PRR11: variants seen among roughly 807,000 people sequenced by gnomAD.
The protein encoded by PRR11 is proline-rich protein 11.
Under a neutral mutation model 45.6 loss-of-function variants are expected in PRR11, and 30 were observed. The observed-to-expected ratio is 0.66, with a 90% confidence interval of 0.49 to 0.89. The LOEUF is 0.89. Ranked by LOEUF, PRR11 falls within the 40% of genes least tolerant of loss-of-function variation. The probability of loss-of-function intolerance (pLI) is 0.00; values close to 1 mark genes in which losing one functional copy is unlikely to be tolerated. For synonymous variants in PRR11, 128 were observed against 153.5 expected, an observed-to-expected ratio of 0.83 and a Z score of 1.23; for missense variants, 373 against 424.8, an observed-to-expected ratio of 0.88 and a Z score of 1.07.
Position 59,205,727 on chromosome 17 carries a change from T to A in PRR11, c.*4096T>A, listed in dbSNP as rs2046914825. On this transcript the variant is annotated 3_prime_UTR_variant, in exon 10 of 10. Coordinates refer to ENST00000262293, the MANE Select transcript of PRR11 (RefSeq NM_018304.4). ...AAAAAAAAAAAGTATATGTTAAGTATAGAAAAATATATAAATTAAAAAATT... is the reference window on the plus strand; with the variant it reads ...AAAAAAAAAAAGTATATGTTAAGTAAAGAAAAATATATAAATTAAAAAATT... Among the ~76,000 whole-genome samples the A allele has an allele frequency of 6.7e-6, 1 of 148,658 alleles. No individual in the cohort carries two copies. Among genetic ancestry groups the A allele is most frequent in the Non-Finnish European group, 1.5e-5 (1 of 67,452 alleles).
At chr17:59,163,231 C>T (rs576563599) in intron 1 of PRR11, among the ~76,000 whole-genome samples, 71 of 152,244 alleles carry the variant, frequency 4.7e-4, no homozygotes, top group African/African-American at 1.7e-3. Flanking sequence ...GCTGGGACTA[C>T]AGCCACATGC....
chr17:59,198,693 C>A (rs1193186053), intron 9 of PRR11, among the ~76,000 whole-genome samples: 1 of 151,110 alleles, frequency 6.6e-6, no homozygotes, highest in Non-Finnish European at 1.5e-5. Flanking sequence ...AAAAATTAGC[C>A]ATGTATGGTG....
chr17:59,173,319 G>A (rs1159537949), intron 2 of PRR11, among the ~76,000 whole-genome samples: 1 of 152,314 alleles, frequency 6.6e-6, no homozygotes, highest in Non-Finnish European at 1.5e-5. Flanking sequence ...AAAGCAGGCT[G>A]CCCAAGCCAG....
rs774217995 is a variant in PRR11 at position 59,185,520 on chromosome 17, C to T, written c.360C>T (p.Cys120=). The T allele has an allele frequency of 1.2e-6, 2 of 1,610,246 alleles. No individual in the cohort carries two copies. The highest frequency in any genetic ancestry group is 1.7e-6 in the Non-Finnish European group (2 of 1,178,988). ...TTTACAGTGTAAAACAACAGTTTTG[C>T]ATTTTGGAAAGTAAATTATGCAAGC... The part of the protein sequence containing the change: ...RELYSVKQQF[C]ILESKLCKLQ... The change falls in exon 4 of 10, where the codon TGC becomes TGT. Residue 120 remains cysteine, a synonymous_variant. Transcript: ENST00000262293.
In PRR11 at chr17:59,206,582, C is replaced by G. The variant is rs941253658; in HGVS notation, c.*4951C>G. Reference sequence around the variant, plus strand: ...TAAGTGCTATGGCTTCCTTAAACTACGATTTATCATATGCTCCCAGTGTTT... The same window carrying G: ...TAAGTGCTATGGCTTCCTTAAACTAGGATTTATCATATGCTCCCAGTGTTT... On this transcript the variant is annotated 3_prime_UTR_variant, in exon 10 of 10. Transcript: ENST00000262293. Among the ~76,000 whole-genome samples the G allele has an allele frequency of 6.6e-6, 1 of 152,080 alleles. No individual in the cohort carries two copies. Among genetic ancestry groups the G allele is most frequent in the South Asian group, 2.1e-4 (1 of 4,832 alleles).
At chr17:59,195,280 T>G in intron 6 of PRR11, 51 bp from the exon 7 acceptor site, 3 of 1,401,352 alleles carry the variant, frequency 2.1e-6, no homozygotes, top group Non-Finnish European at 3.0e-6. Context: ...GTTTACATTT[T>G]GAGTGATATT....
intron 7 of PRR11, 62 bp downstream of exon 7, chr17:59,195,505 G>A: frequency 2.7e-6 from 3 of 1,116,806 alleles, no homozygotes; most frequent in South Asian, 1.6e-5. Flanking sequence ...GTTGTACAAA[G>A]GCCTAAAGAA....
Position 59,205,803 on chromosome 17 carries a change from T to C in PRR11, c.*4172T>C, listed in dbSNP as rs1322273717. On this transcript the variant is annotated 3_prime_UTR_variant, in exon 10 of 10. Coordinates refer to ENST00000262293, the MANE Select transcript of PRR11 (RefSeq NM_018304.4). ...GCTCACACCTGTAATCCCAGCACTTTGGGAGGCCGAGGTGGGTGTATCACT... is the reference window on the plus strand; with the variant it reads ...GCTCACACCTGTAATCCCAGCACTTCGGGAGGCCGAGGTGGGTGTATCACT... 9.9e-5 allele frequency among the ~76,000 whole-genome samples: 15 copies of C among 151,730 alleles called. No homozygotes were observed. The highest frequency in any genetic ancestry group is 7.4e-5 in the Non-Finnish European group (5 of 67,946).
At chr17:59,198,684 A>AG (rs537638519) in intron 9 of PRR11, among the ~76,000 whole-genome samples, 2 of 151,954 alleles carry the variant, frequency 1.3e-5, no homozygotes, top group South Asian at 4.1e-4. Context: ...AAAAAAAAAA[A>AG]AAATTAGCCA....
chr17:59,205,185 GAC>G lies in PRR11; in HGVS notation c.*3556_*3557del, dbSNP rs1460005266. On this transcript the variant is annotated 3_prime_UTR_variant, in exon 10 of 10. Transcript: ENST00000262293. ...CCTTGCATCTTTTACTGATTTTTAT[GAC>G]AGATTTTATATTGTAACCATTCGAG... Among the ~76,000 whole-genome samples, 1 of 152,008 alleles carries G rather than the reference GAC, an allele frequency of 6.6e-6. No individual in the cohort carries two copies. The highest frequency in any genetic ancestry group is 1.5e-5 in the Non-Finnish European group (1 of 68,026).
chr17:59,206,401 T>G lies in PRR11; in HGVS notation c.*4770T>G, dbSNP rs561437885. On this transcript the variant is annotated 3_prime_UTR_variant, in exon 10 of 10. Transcript: ENST00000262293. ...AAAGAAAAAATGCTTTGCTACATAA[T>G]GAGGCCAGGCAAAAAAAAAAAGTCC... Among the ~76,000 whole-genome samples, 320 of 151,262 alleles carry G rather than the reference T, an allele frequency of 2.1e-3. No individual in the cohort carries two copies. Among genetic ancestry groups the G allele is most frequent in the Non-Finnish European group, 3.3e-3 (224 of 67,858 alleles).
In PRR11 at chr17:59,202,235, G is replaced by C. The variant is rs1388896778; in HGVS notation, c.*604G>C. The C allele has an allele frequency of 6.5e-6, 1 of 153,418 alleles. No individual in the cohort carries two copies. Among genetic ancestry groups the C allele is most frequent in the East Asian group, 1.9e-4 (1 of 5,222 alleles). The allele number at this position is 153,418 out of a possible 1,614,324, so 9.5% of individuals were successfully genotyped here. ...TAGAGAGGTTGTTCAAATTTAACTAGATAACTCTAGTTTGTACTGTATAGG... is the reference window on the plus strand; with the variant it reads ...TAGAGAGGTTGTTCAAATTTAACTACATAACTCTAGTTTGTACTGTATAGG... On this transcript the variant is annotated 3_prime_UTR_variant, in exon 10 of 10. Coordinates refer to ENST00000262293, the MANE Select transcript of PRR11 (RefSeq NM_018304.4).
At position 59,205,509 on chromosome 17, in the gene PRR11, C is replaced by G. The variant is rs1741953062; in HGVS notation, c.*3878C>G. Among the ~76,000 whole-genome samples the G allele has an allele frequency of 1.4e-5, 2 of 147,748 alleles. No homozygotes were observed. Among genetic ancestry groups the G allele is most frequent in the African/African-American group, 2.5e-5 (1 of 39,396 alleles). ...CTGAGGTCAAGAGTTCGAGACCAGT[C>G]TGGCCAACATGGTGAAACCCTGTCT... On this transcript the variant is annotated 3_prime_UTR_variant, in exon 10 of 10. Coordinates refer to ENST00000262293, the MANE Select transcript of PRR11 (RefSeq NM_018304.4).
At chr17:59,199,982 G>T (rs1278916619) in intron 9 of PRR11, among the ~76,000 whole-genome samples, 1 of 152,150 alleles carries the variant, frequency 6.6e-6, no homozygotes, top group Non-Finnish European at 1.5e-5. Flanking sequence ...TGCTTTTTCT[G>T]TTTAGCTCTA....
rs1009456101 is a variant in PRR11 at position 59,177,084 on chromosome 17, A to G, written c.128+7204A>G. ...AGAGTAAAGAGGACAAATAGGTGCA[A>G]GAATAAATGAAAGGCTGGAATCCCA... On this transcript the variant is annotated intron_variant, in intron 2 of 9. Transcript: ENST00000262293. 1.3e-5 allele frequency: 7 copies of G among 539,484 alleles called. No individual in the cohort carries two copies. In the African/African-American group the frequency reaches 1.4e-4, roughly 10 times the overall value. 33.4% of individuals were successfully genotyped at this position (539,484 alleles called of 1,614,324 possible).
intron 1 of PRR11, among the ~76,000 whole-genome samples, chr17:59,169,520 T>C (rs1165937262): frequency 6.6e-6 from 1 of 152,170 alleles, no homozygotes; most frequent in Non-Finnish European, 1.5e-5. Context: ...GAGAGAGTAA[T>C]ATAATGCCAA....
At position 59,162,251 on chromosome 17, in the gene PRR11, G is replaced by C. The variant is rs554992432; in HGVS notation, c.-6+6446G>C. On this transcript the variant is annotated intron_variant, in intron 1 of 9. Coordinates refer to ENST00000262293, the MANE Select transcript of PRR11 (RefSeq NM_018304.4). ...ACACACACACACACACACACACACA[G>C]AGAGAGAGAGAGAGAGAGAAAGAAA... 6.1e-3 allele frequency among the ~76,000 whole-genome samples: 767 copies of C among 124,760 alleles called. 3 individuals carry two copies. Among genetic ancestry groups the C allele is most frequent in the South Asian group, 0.022 (88 of 4,032 alleles). The allele number at this position is 124,760 out of a possible 152,430, so 81.8% of individuals were successfully genotyped here.
chr17:59,158,729 C>T (rs1014830009), intron 1 of PRR11, among the ~76,000 whole-genome samples: 1 of 151,780 alleles, frequency 6.6e-6, no homozygotes, highest in Non-Finnish European at 1.5e-5. Flanking sequence ...TAGTGAAAGA[C>T]AAAAATGAAA....
At chr17:59,198,346 C>T (rs2046876622) in intron 9 of PRR11, among the ~76,000 whole-genome samples, 2 of 151,776 alleles carry the variant, frequency 1.3e-5, no homozygotes, top group Non-Finnish European at 1.5e-5. Flanking sequence ...TTGAGACCAG[C>T]GTGGCCAACA....
Sources: allele counts gnomAD v4.1 joint callset (sites outside exome capture counted in the v4.1 genomes callset), GRCh38; gene constraint gnomAD v4.1.1; transcripts MANE v1.5; gene names NCBI Gene and HGNC (gene_info 2026-07-23, HGNC 2026-07-21).